The following IQCM variants were observed in gnomAD, a reference collection of about 807,000 sequenced individuals.
The protein encoded by IQCM is IQ motif containing M.
IQCM carries 45 observed loss-of-function variants against 57.6 expected under a neutral mutation model. The observed-to-expected ratio is 0.78, with a 90% CI of 0.62 to 1.00. The LOEUF (loss-of-function observed/expected upper bound fraction) is 1.00, where lower values mean the gene tolerates loss of function less well. Among genes scored for constraint, IQCM ranks in the 50% least tolerant of loss-of-function variants. IQCM has a pLI of 0.00. For synonymous variants in IQCM, 148 were observed against 158.9 expected (o/e 0.93, Z 0.51); for missense variants, 468 against 511.6 (o/e 0.91, Z 0.82).
At chr4:149,518,763 G>A (rs546687567) in intron 12 of IQCM, among the ~76,000 whole-genome samples, 1 of 152,266 alleles carries the variant, frequency 6.6e-6, no homozygotes, top group South Asian at 2.1e-4. Flanking sequence ...AGAGAGTTCA[G>A]CCAAGGAGCC....
intron 2 of IQCM, among the ~76,000 whole-genome samples, chr4:149,769,449 A>T (rs576476547): frequency 4.7e-4 from 72 of 152,128 alleles, no homozygotes; most frequent in Non-Finnish European, 4.4e-5. Context: ...AATGGGGCAC[A>T]CATAGGGGAG....
intron 2 of IQCM, among the ~76,000 whole-genome samples, chr4:149,788,030 T>C (rs1185501845): frequency 6.6e-6 from 1 of 152,102 alleles, no homozygotes; most frequent in Non-Finnish European, 1.5e-5. Flanking sequence ...GAATAGACAT[T>C]TTTCAAAAGA....
chr4:149,556,686 G>A (rs952847732), intron 10 of IQCM, among the ~76,000 whole-genome samples: 9 of 152,242 alleles, frequency 5.9e-5, no homozygotes, highest in Admixed American at 4.6e-4. Flanking sequence ...TAGTTATCTC[G>A]ATCGCATACA....
chr4:149,676,481 G>T (rs560096326), intron 7 of IQCM, among the ~76,000 whole-genome samples: 1 of 152,152 alleles, frequency 6.6e-6, no homozygotes, highest in Non-Finnish European at 1.5e-5. Context: ...AGCACCAGGA[G>T]GTACACTATG....
chr4:149,785,522 T>C (rs1771999960), intron 2 of IQCM, among the ~76,000 whole-genome samples: 1 of 151,924 alleles, frequency 6.6e-6, no homozygotes, highest in African/African-American at 2.4e-5. Context: ...CAAAGAAAAA[T>C]AATATAACCA....
intron 12 of IQCM, among the ~76,000 whole-genome samples, chr4:149,518,607 G>T (rs910522701): frequency 6.6e-6 from 1 of 152,108 alleles, no homozygotes; most frequent in Non-Finnish European, 1.5e-5. Context: ...AGGAAGAAAA[G>T]AAAGTCAGAG....
intron 5 of IQCM, among the ~76,000 whole-genome samples, chr4:149,704,480 A>C (rs1311464022): frequency 6.6e-6 from 1 of 151,934 alleles, no homozygotes; most frequent in African/African-American, 2.4e-5. Flanking sequence ...GACAGAGATC[A>C]TACGGCCCAC....
intron 5 of IQCM, among the ~76,000 whole-genome samples, chr4:149,718,488 C>T (rs932396518): frequency 6.6e-6 from 1 of 152,206 alleles, no homozygotes; most frequent in Non-Finnish European, 1.5e-5. Context: ...CTATTGATCA[C>T]ACTTCTATAC....
At chr4:149,524,907 C>T (rs1050694410) in intron 12 of IQCM, among the ~76,000 whole-genome samples, 1 of 151,362 alleles carries the variant, frequency 6.6e-6, no homozygotes, top group African/African-American at 2.4e-5. Context: ...TTAAAAATTT[C>T]CTAAAACTAA....
intron 5 of IQCM, among the ~76,000 whole-genome samples, chr4:149,723,793 C>T (rs1032874645): frequency 4.6e-5 from 7 of 151,944 alleles, no homozygotes; most frequent in African/African-American, 1.4e-4. Context: ...CAGGGTGATA[C>T]TGGCTTCATA....
intron 2 of IQCM, among the ~76,000 whole-genome samples, chr4:149,768,287 G>T (rs951363693): frequency 6.6e-6 from 1 of 152,052 alleles, no homozygotes; most frequent in African/African-American, 2.4e-5. Flanking sequence ...ACCAGCCAGC[G>T]TATAACTTTG....
chr4:149,512,172 G>C (rs1049131656), intron 12 of IQCM, among the ~76,000 whole-genome samples: 2 of 152,160 alleles, frequency 1.3e-5, no homozygotes, highest in African/African-American at 4.8e-5. Flanking sequence ...AGCAACATGA[G>C]CTCTACTTCA....
intron 8 of IQCM, among the ~76,000 whole-genome samples, chr4:149,611,666 G>A (rs960796138): frequency 6.6e-6 from 1 of 151,932 alleles, no homozygotes; most frequent in Non-Finnish European, 1.5e-5. Flanking sequence ...GTAAAATGAT[G>A]GTTACCCAAG....
At chr4:149,651,418 C>A (rs1423081181) in intron 7 of IQCM, among the ~76,000 whole-genome samples, 1 of 152,030 alleles carries the variant, frequency 6.6e-6, no homozygotes, top group Non-Finnish European at 1.5e-5. Flanking sequence ...TGGAAATAAC[C>A]TGGCTAGGAG....
chr4:149,461,233 C>CAA (rs61429806), intron 12 of IQCM, among the ~76,000 whole-genome samples: 100 of 71,378 alleles, frequency 1.4e-3, no homozygotes, highest in African/African-American at 2.9e-3. Context: ...AACTCCATCT[C>CAA]AAAAAAAAAA....
intron 2 of IQCM, among the ~76,000 whole-genome samples, chr4:149,794,522 C>A (rs984087115): frequency 1.3e-5 from 2 of 152,080 alleles, no homozygotes; most frequent in African/African-American, 4.8e-5. Context: ...AACTAGCCAG[C>A]GAGTTATGTT....
intron 5 of IQCM, among the ~76,000 whole-genome samples, chr4:149,723,911 G>C (rs935420565): frequency 5.7e-5 from 8 of 140,586 alleles, no homozygotes; most frequent in Non-Finnish European, 1.2e-4. Flanking sequence ...ATGAATCTGG[G>C]CCTGTGCTTT....
intron 12 of IQCM, among the ~76,000 whole-genome samples, chr4:149,484,308 A>G (rs1362630981): frequency 1.3e-5 from 2 of 151,878 alleles, no homozygotes; most frequent in African/African-American, 4.8e-5. Context: ...ATTCAATGTT[A>G]TTATTGATAA....
chr4:149,669,410 C>G lies in IQCM; in HGVS notation c.565+12708G>C, dbSNP rs566359408. Among the ~76,000 whole-genome samples, 83 of 152,232 alleles carry G rather than the reference C, an allele frequency of 5.5e-4. 2 individuals are homozygous for G. The South Asian group carries it at 0.016, about 28-fold the overall frequency. On this transcript the variant is annotated intron_variant, in intron 7 of 13. Transcript: ENST00000636793. Reference sequence around the variant, plus strand: ...CAGATGGGTAGATTGTAAAAATTTTCTCCCGTTCTGTAGGTTGCCTTTTCA... The same window carrying G: ...CAGATGGGTAGATTGTAAAAATTTTGTCCCGTTCTGTAGGTTGCCTTTTCA...
Sources: gnomAD v4.1 joint callset for allele counts (sites outside exome capture counted in the v4.1 genomes callset) on GRCh38, gnomAD v4.1.1 for gene constraint, MANE v1.5 for transcripts, NCBI Gene and HGNC (gene_info 2026-07-23, HGNC 2026-07-21) for gene names.